The following VPS13D variants were observed in gnomAD, a reference collection of about 807,000 sequenced individuals.
VPS13D encodes the protein vacuolar protein sorting 13 homolog D, also known as intermembrane lipid transfer protein VPS13D.
VPS13D carries 187 observed loss-of-function variants against 461.9 expected under a neutral mutation model. The observed-to-expected ratio is 0.40, with a 90% CI of 0.36 to 0.46. VPS13D has a LOEUF of 0.46. Among genes scored for constraint, VPS13D ranks in the 20% least tolerant of loss-of-function variants. The pLI is 0.60. For missense variants in VPS13D, 4,711 were observed against 5,364.9 expected (o/e 0.88, Z 3.81); for synonymous variants, 1,951 against 1,986.3 (o/e 0.98, Z 0.47).
rs1035980054 is a variant in VPS13D, at chr1:12,288,218, C to T, written c.5635-5C>T. 19 of 1,611,380 alleles carry T rather than the reference C, an allele frequency of 1.2e-5. No homozygotes were observed. The highest frequency in any genetic ancestry group is 3.3e-5 in the South Asian group (3 of 90,820). On this transcript the variant is annotated splice_region_variant and splice_polypyrimidine_tract_variant and intron_variant, in intron 21 of 69. Coordinates refer to ENST00000620676, the MANE Select transcript of VPS13D (RefSeq NM_015378.4). ...TTGGCCTTGCTTTATCTTGTCTGTTCCTAGGTTCATTCACTTTCTCTAGTG... is the reference window on the plus strand; with the variant it reads ...TTGGCCTTGCTTTATCTTGTCTGTTTCTAGGTTCATTCACTTTCTCTAGTG...
chr1:12,303,040 A>C (rs1170098299), intron 25 of VPS13D, among the ~76,000 whole-genome samples: 3 of 152,218 alleles, frequency 2.0e-5, no homozygotes, highest in Non-Finnish European at 4.4e-5. Context: ...ACAGTTAAAT[A>C]TAATTGATTA....
At chr1:12,356,930 A>T (rs1643890963) in intron 49 of VPS13D, among the ~76,000 whole-genome samples, 1 of 152,172 alleles carries the variant, frequency 6.6e-6, no homozygotes, top group African/African-American at 2.4e-5. Flanking sequence ...TCATTAATCC[A>T]ATCCAGGATT....
intron 18 of VPS13D, among the ~76,000 whole-genome samples, chr1:12,273,764 G>A (rs1274999767): frequency 6.6e-6 from 1 of 152,016 alleles, no homozygotes; most frequent in Non-Finnish European, 1.5e-5. Flanking sequence ...ATAGTCCATC[G>A]TGTGGCTGTT....
chr1:12,339,635 A>T (rs2101572078), intron 40 of VPS13D, among the ~76,000 whole-genome samples: 1 of 152,284 alleles, frequency 6.6e-6, no homozygotes, highest in South Asian at 2.1e-4. Flanking sequence ...TGCTGTGCCA[A>T]AGGCAAGTAC....
At chr1:12,372,039 G>GGTTTTT (rs1208209107) in intron 54 of VPS13D, among the ~76,000 whole-genome samples, 6 of 151,924 alleles carry the variant, frequency 3.9e-5, no homozygotes, top group African/African-American at 1.5e-4. Flanking sequence ...AACATGTGTT[G>GGTTTTT]GTTTTTGTTT....
intron 61 of VPS13D, 137 bp from the exon 62 acceptor site, chr1:12,401,471 C>T: frequency 5.3e-6 from 3 of 564,538 alleles, no homozygotes; most frequent in East Asian, 2.9e-5. Flanking sequence ...GAGAGATAAC[C>T]CAGAAATAAT....
At chr1:12,480,191 CA>C (rs1474887721) in intron 67 of VPS13D, among the ~76,000 whole-genome samples, 1 of 152,238 alleles carries the variant, frequency 6.6e-6, no homozygotes, top group African/African-American at 2.4e-5. Flanking sequence ...CACAGAATAG[CA>C]GTGACACTTC....
In VPS13D at chr1:12,277,324, A is replaced by G. The variant is rs745683714; in HGVS notation, c.3736A>G (p.Asn1246Asp). Residue 1246 changes from asparagine (N) to aspartate (D), a missense_variant, in exon 19 of 70, where the codon AAT (asparagine) becomes GAT (aspartate). Asn to Asp is a conservative substitution (Grantham distance 23). This residue lies in a region of VPS13D where 4,411 missense variants were observed against 4,937.8 expected (regional missense o/e 0.89). Coordinates refer to ENST00000620676, the MANE Select transcript of VPS13D (RefSeq NM_015378.4). ...CATTGGGAATTCTGTAGGCTATGAA[A>G]ATATCATCAGTGATATTGGCTACTT... ...VSIGNSVGYE[N>D]IISDIGYFES... 2.4e-5 allele frequency: 38 copies of G among 1,614,104 alleles called. No homozygotes were observed. Among genetic ancestry groups the G allele is most frequent in the Non-Finnish European group, 3.1e-5 (37 of 1,180,046 alleles).
chr1:12,309,470 G>T (rs187147848), intron 27 of VPS13D, among the ~76,000 whole-genome samples: 3 of 151,032 alleles, frequency 2.0e-5, no homozygotes, highest in Admixed American at 6.6e-5. Context: ...TGGCATGCCC[G>T]CCTTGGCATA....
At chr1:12,472,424 C>A (rs1157931860) in intron 67 of VPS13D, among the ~76,000 whole-genome samples, 6 of 152,206 alleles carry the variant, frequency 3.9e-5, no homozygotes. Context: ...TCACCTCACT[C>A]CAGGCCTATC....
chr1:12,396,029 A>ATATATATATATATATATATATATGTATT lies in VPS13D; in HGVS notation c.11635-4152_11635-4151insTATATATATATATATATATATATGTATT, dbSNP rs1553187933. Among the ~76,000 whole-genome samples the ATATATATATATATATATATATATGTATT allele has an allele frequency of 6.3e-4, 76 of 119,776 alleles. 1 individual carries two copies. The highest frequency in any genetic ancestry group is 9.6e-4 in the Admixed American group (10 of 10,456). 78.6% of individuals were successfully genotyped at this position (119,776 alleles called of 152,430 possible). A position where few individuals can be genotyped will look rare whatever the true frequency, so the allele number is the denominator to read the frequency against. On this transcript the variant is annotated intron_variant, in intron 60 of 69. Transcript: ENST00000620676. Reference sequence around the variant, plus strand: ...TATATATATATATATATATATATATAGTTCTTTAAGATCAATAAAATTAAT... The same window carrying ATATATATATATATATATATATATGTATT: ...TATATATATATATATATATATATATATATATATATATATATATATATATGTATTGTTCTTTAAGATCAATAAAATTAAT...
chr1:12,389,929 G>T (rs749625139), intron 60 of VPS13D, among the ~76,000 whole-genome samples: 16 of 152,182 alleles, frequency 1.1e-4, no homozygotes, highest in Non-Finnish European at 5.9e-5. Context: ...CTCCATTGTG[G>T]AGTAGTAGAC....
chr1:12,339,324 G>T (rs1643517935), intron 40 of VPS13D, among the ~76,000 whole-genome samples: 1 of 152,160 alleles, frequency 6.6e-6, no homozygotes, highest in East Asian at 1.9e-4. Context: ...CCTCCTAGTA[G>T]CAAACCTAGT....
intron 60 of VPS13D, among the ~76,000 whole-genome samples, chr1:12,388,579 GAA>G (rs71570105): frequency 9.1e-5 from 12 of 131,700 alleles, no homozygotes; most frequent in African/African-American, 1.1e-4. Context: ...GTCTCAGGGG[GAA>G]AAAAAAAAAA....
chr1:12,468,609 G>A (rs1645522676), intron 67 of VPS13D, among the ~76,000 whole-genome samples: 1 of 152,160 alleles, frequency 6.6e-6, no homozygotes, highest in Non-Finnish European at 1.5e-5. Flanking sequence ...TGGTTTTCTT[G>A]CCCTGATGTA....
intron 51 of VPS13D, 53 bp from the exon 52 acceptor site, chr1:12,363,019 T>C (rs1230563940): frequency 1.9e-6 from 3 of 1,602,594 alleles, no homozygotes; most frequent in African/African-American, 2.7e-5. Flanking sequence ...TCAGTAACAC[T>C]TATTGTCATG....
chr1:12,243,546 C>A (rs1216492153), intron 3 of VPS13D, among the ~76,000 whole-genome samples: 1 of 152,060 alleles, frequency 6.6e-6, no homozygotes, highest in Non-Finnish European at 1.5e-5. Flanking sequence ...AATCCCAGCA[C>A]TTTGGGAGGC....
At chr1:12,304,911 T>C (rs908190244) in intron 26 of VPS13D, among the ~76,000 whole-genome samples, 183 bp downstream of exon 26, 2 of 151,928 alleles carry the variant, frequency 1.3e-5, no homozygotes, top group African/African-American at 4.8e-5. Context: ...AGATTTATCA[T>C]TGGATGACTT....
chr1:12,486,728 G>A (rs1167321625), intron 67 of VPS13D, among the ~76,000 whole-genome samples: 4 of 152,194 alleles, frequency 2.6e-5, no homozygotes, highest in Non-Finnish European at 4.4e-5. Flanking sequence ...CTCTGGCTCA[G>A]ATTCAGAGGA....
Sources: gnomAD v4.1 joint callset for allele counts (sites outside exome capture counted in the v4.1 genomes callset) on GRCh38, gnomAD v4.1.1 for gene constraint, gnomAD v4.1.1 regional missense constraint, MANE v1.5 for transcripts, NCBI Gene and HGNC (gene_info 2026-07-23, HGNC 2026-07-21) for gene names.